Variants in PANK2 observed in about 807,000 individuals in gnomAD.
PANK2 encodes the protein pantothenate kinase 2, also known as pantothenate kinase 2, mitochondrial.
Under a neutral mutation model 43.1 loss-of-function variants are expected in PANK2, and 36 were observed. The ratio of observed to expected loss-of-function variants is 0.84; its 90% CI spans 0.64 to 1.10. The LOEUF is 1.10. PANK2 is among the 50% of genes least tolerant of loss of function. The pLI is 0.00. For synonymous variants in PANK2, 281 were observed against 238.2 expected (o/e 1.18, Z -1.66); for missense variants, 576 against 593.3 (o/e 0.97, Z 0.30).
chr20:3,922,284 T>C (rs770244003), intron 6 of PANK2, among the ~76,000 whole-genome samples: 1 of 152,198 alleles, frequency 6.6e-6, no homozygotes, highest in Non-Finnish European at 1.5e-5. Flanking sequence ...TTCTTGCTAG[T>C]GTTCTCTTTT....
chr20:3,898,716 A>C (rs1422163127), intron 1 of PANK2, among the ~76,000 whole-genome samples: 1 of 152,046 alleles, frequency 6.6e-6, no homozygotes, highest in Non-Finnish European at 1.5e-5. Flanking sequence ...TTAATTTCTA[A>C]TTTTGAAGTT....
chr20:3,910,300 TTTTTTTTG>T (rs935256064), intron 2 of PANK2, among the ~76,000 whole-genome samples: 5 of 150,506 alleles, frequency 3.3e-5, no homozygotes, highest in African/African-American at 1.2e-4. Flanking sequence ...CTGTGGTTTT[TTTTTTTTG>T]TTTTTTTTGT....
chr20:3,903,491 A>T (rs1259584155), intron 1 of PANK2, among the ~76,000 whole-genome samples: 1 of 82,284 alleles, frequency 1.2e-5, no homozygotes. Context: ...TTTGAGACTG[A>T]GTTTTGCTCT....
At position 3,910,705 on chromosome 20, in the gene PANK2, A is replaced by G. The variant is rs375501114; in HGVS notation, c.780A>G (p.Glu260=). ...ACTTTGAAAACCCTGCTGATTCTGAAAAGTGTCAGAAGTTACCATTTGATT... is the reference window on the plus strand; with the variant it reads ...ACTTTGAAAACCCTGCTGATTCTGAGAAGTGTCAGAAGTTACCATTTGATT... The change falls in exon 3 of 7, where the codon GAA becomes GAG. Residue 260 remains glutamate (E), a synonymous_variant. Coordinates refer to ENST00000610179, the MANE Select transcript of PANK2 (RefSeq NM_001386393.1). 223 of 1,614,188 alleles carry G rather than the reference A, an allele frequency of 1.4e-4. No homozygotes were observed. The highest frequency in any genetic ancestry group is 1.1e-3 in the Admixed American group (66 of 60,026).
At position 3,907,811 on chromosome 20, in the gene PANK2, GC is replaced by G. The variant is rs2090410684; in HGVS notation, c.299-113del. ...CATTTCTTTGCCCCAAAACCCTTTT[GC>G]CTAGAATTATGTTCTTTGGAAACCC... On this transcript the variant is annotated intron_variant, in intron 1 of 6. Transcript: ENST00000610179. 6 of 884,464 alleles carry G rather than the reference GC, an allele frequency of 6.8e-6. No homozygotes were observed. In the Admixed American group the frequency reaches 1.1e-4, roughly 16 times the overall value. 54.8% of individuals were successfully genotyped at this position (884,464 alleles called of 1,614,324 possible). A position where few individuals can be genotyped will look rare whatever the true frequency, so the allele number is the denominator to read the frequency against.
intron 6 of PANK2, among the ~76,000 whole-genome samples, chr20:3,922,857 G>A (rs965233512): frequency 5.3e-5 from 8 of 152,034 alleles, no homozygotes; most frequent in African/African-American, 1.2e-4. Flanking sequence ...ATCCGACCTC[G>A]CCTTCATTCC....
chr20:3,897,650 T>TGA (rs201748026), intron 1 of PANK2, among the ~76,000 whole-genome samples: 1,579 of 151,746 alleles, frequency 0.01, 25 homozygotes, highest in African/African-American at 0.036. Context: ...CTGAACCTGG[T>TGA]GATTGTACCA....
At chr20:3,896,523 C>G (rs1258007228) in intron 1 of PANK2, among the ~76,000 whole-genome samples, 7 of 152,142 alleles carry the variant, frequency 4.6e-5, no homozygotes, top group Non-Finnish European at 7.4e-5. Context: ...TAACTGATGG[C>G]TGGAAGCCTC....
At chr20:3,889,357 G>A (rs764350376), upstream of PANK2, 8 of 1,582,698 alleles carry the variant, frequency 5.1e-6, no homozygotes, top group South Asian at 8.0e-5. Flanking sequence ...TGGCGCAACG[G>A]AAGAGGCGGC....
intron 3 of PANK2, among the ~76,000 whole-genome samples, chr20:3,911,388 G>C (rs1442561806): frequency 6.6e-6 from 1 of 151,710 alleles, no homozygotes; most frequent in East Asian, 2.0e-4. Flanking sequence ...TTCAAGACCA[G>C]CCTGGCCAAC....
At chr20:3,909,427 C>T (rs1600538116) in intron 2 of PANK2, among the ~76,000 whole-genome samples, 1 of 152,074 alleles carries the variant, frequency 6.6e-6, no homozygotes, top group East Asian at 1.9e-4. Context: ...GATGGGGTTT[C>T]ACCATGTTGT....
intron 1 of PANK2, chr20:3,891,410 AGGTAGGT>A (rs2090121300): frequency 6.6e-6 from 1 of 152,092 alleles, no homozygotes; most frequent in Non-Finnish European, 1.5e-5. Flanking sequence ...CGTGGCTCTG[AGGTAGGT>A]GGTAGTATTC....
chr20:3,903,045 G>C (rs1013908412), intron 1 of PANK2, among the ~76,000 whole-genome samples: 1 of 147,676 alleles, frequency 6.8e-6, no homozygotes, highest in Non-Finnish European at 1.5e-5. Context: ...CAAGAGTTGG[G>C]TTACCAGAGT....
chr20:3,908,517 A>T (rs2090422768), intron 2 of PANK2, among the ~76,000 whole-genome samples: 1 of 152,194 alleles, frequency 6.6e-6, no homozygotes, highest in Non-Finnish European at 1.5e-5. Flanking sequence ...TTTAGTATGA[A>T]AAATTAGGGC....
intron 1 of PANK2, among the ~76,000 whole-genome samples, chr20:3,904,200 ATATG>A (rs1461081135): frequency 6.6e-6 from 1 of 152,078 alleles, no homozygotes; most frequent in Non-Finnish European, 1.5e-5. Context: ...TGAATATTAA[ATATG>A]TAGTAGTTTG....
chr20:3,914,063 A>C (rs546565191), intron 4 of PANK2, among the ~76,000 whole-genome samples: 2 of 152,050 alleles, frequency 1.3e-5, no homozygotes, highest in South Asian at 2.1e-4. Flanking sequence ...TGCTGGGATT[A>C]CAGGCGTGAG....
At chr20:3,888,968 GC>G, upstream of PANK2, 3 of 682,506 alleles carry the variant, frequency 4.4e-6, no homozygotes, top group Admixed American at 6.2e-5. Flanking sequence ...CGGGAGCACT[GC>G]TGGGCTGGAG....
At chr20:3,899,471 GT>G (rs570331404) in intron 1 of PANK2, among the ~76,000 whole-genome samples, 230 of 146,498 alleles carry the variant, frequency 1.6e-3, no homozygotes, top group African/African-American at 3.3e-3. Context: ...ACATCCGGCT[GT>G]TTTTTTTTTT....
rs142937023 is a variant in PANK2 at position 3,916,950 on chromosome 20, A to G, written c.1106A>G (p.Glu369Gly). 2 of 1,614,134 alleles carry G rather than the reference A, an allele frequency of 1.2e-6. No homozygotes were observed. The highest frequency in any genetic ancestry group is 1.7e-6 in the Non-Finnish European group (2 of 1,180,028). Residue 369 changes from glutamate (E) to glycine (G), a missense_variant, in exon 5 of 7, where the codon GAG (glutamate) becomes GGG (glycine). Around this residue, in one of 2 missense-constraint regions of PANK2, gnomAD observed 544 missense variants for 528.9 expected, o/e 1.03. Transcript: ENST00000610179. ...AGCTTTGGAAACATGATGAGCAAGG[A>G]GAAGCGAGAGGCTGTCAGTAAAGAG...
Sources: allele counts gnomAD v4.1 joint callset (sites outside exome capture counted in the v4.1 genomes callset), GRCh38; gene constraint gnomAD v4.1.1; regional missense constraint gnomAD v4.1.1; transcripts MANE v1.5; gene names NCBI Gene and HGNC (gene_info 2026-07-23, HGNC 2026-07-21).